PKIG: variants seen among roughly 807,000 people sequenced by gnomAD.
PKIG encodes protein kinase (cAMP-dependent, catalytic) inhibitor gamma.
A neutral mutation model predicts 6.8 loss-of-function variants in PKIG; 1 was observed. The ratio of observed to expected loss-of-function variants is 0.15; its 90% CI spans 0.05 to 0.69. PKIG has a LOEUF of 0.69. Ranked by LOEUF, PKIG falls within the 30% of genes least tolerant of loss-of-function variation. The pLI, the probability that PKIG is intolerant of heterozygous loss-of-function variation, is 0.82. For synonymous variants in PKIG, 39 were observed against 43.0 expected (o/e 0.91, Z 0.36); for missense variants, 77 against 104.0 (o/e 0.74, Z 1.13).
At chr20:44,563,823 A>G (rs2064788170) in intron 1 of PKIG, among the ~76,000 whole-genome samples, 1 of 152,072 alleles carries the variant, frequency 6.6e-6, no homozygotes, top group Non-Finnish European at 1.5e-5. Context: ...GAGCCACTGC[A>G]CCTGGCTGTC....
intron 1 of PKIG, among the ~76,000 whole-genome samples, chr20:44,574,344 T>C (rs966236878): frequency 7.3e-5 from 11 of 150,664 alleles, no homozygotes; most frequent in African/African-American, 2.2e-4. Context: ...TATCGAGATA[T>C]GGTTTTTTTT....
intron 1 of PKIG, among the ~76,000 whole-genome samples, chr20:44,565,090 A>G (rs916037595): frequency 4.6e-5 from 7 of 152,342 alleles, no homozygotes; most frequent in Admixed American, 3.9e-4. Context: ...GCTTATGAAA[A>G]TATTTTAAAG....
At chr20:44,605,007 GA>G (rs74585029) in intron 2 of PKIG, among the ~76,000 whole-genome samples, 1,717 of 148,734 alleles carry the variant, frequency 0.012, 18 homozygotes, top group East Asian at 0.066. Flanking sequence ...AAAACAGCCA[GA>G]AAAAAAAAAT....
intron 1 of PKIG, among the ~76,000 whole-genome samples, chr20:44,539,638 T>C (rs1232075564): frequency 1.3e-5 from 2 of 151,842 alleles, no homozygotes; most frequent in Non-Finnish European, 2.9e-5. Context: ...AGGCTGGTCT[T>C]GAACTTCTGA....
In PKIG at chr20:44,618,421, G is replaced by A. The variant is rs540113224; in HGVS notation, c.*57G>A. On this transcript the variant is annotated 3_prime_UTR_variant, in exon 4 of 4. Coordinates refer to ENST00000372886, the MANE Select transcript of PKIG (RefSeq NM_001281445.2). ...GACCTTCTGTCCCCTCCCAGAGGGG[G>A]AACCCTGGCACTGGCCCAGCAGCCT... The A allele has an allele frequency of 9.3e-6, 11 of 1,188,490 alleles. No homozygotes were observed. Among genetic ancestry groups the A allele is most frequent in the South Asian group, 8.5e-5 (7 of 82,652 alleles). The allele number at this position is 1,188,490 out of a possible 1,614,324, so 73.6% of individuals were successfully genotyped here.
At chr20:44,536,659 A>G (rs953717955) in intron 1 of PKIG, among the ~76,000 whole-genome samples, 1 of 152,124 alleles carries the variant, frequency 6.6e-6, no homozygotes, top group African/African-American at 2.4e-5. Context: ...AGCAGTTTGG[A>G]CTTCTAGAAG....
In PKIG at chr20:44,618,467, C is replaced by T. The variant is rs753652318; in HGVS notation, c.*103C>T. On this transcript the variant is annotated 3_prime_UTR_variant, in exon 4 of 4. Coordinates refer to ENST00000372886, the MANE Select transcript of PKIG (RefSeq NM_001281445.2). ...AGCCTCTTCTCTGAGCTCCATGTCC[C>T]AGATAAACCAGGCCAGACTGAGAAG... The T allele has an allele frequency of 8.4e-5, 69 of 824,582 alleles. 1 individual carries two copies. Among genetic ancestry groups the T allele is most frequent in the Non-Finnish European group, 1.3e-4 (60 of 475,900 alleles). 51.1% of individuals were successfully genotyped at this position (824,582 alleles called of 1,614,324 possible).
At chr20:44,591,257 A>G (rs1429310406) in intron 2 of PKIG, among the ~76,000 whole-genome samples, 3 of 152,102 alleles carry the variant, frequency 2.0e-5, no homozygotes, top group Non-Finnish European at 4.4e-5. Context: ...TGGAAATTCC[A>G]TGGGCCAAAC....
chr20:44,576,718 G>A (rs1176405489), intron 1 of PKIG, among the ~76,000 whole-genome samples: 1 of 152,128 alleles, frequency 6.6e-6, no homozygotes, highest in Non-Finnish European at 1.5e-5. Context: ...GTCCAAGACT[G>A]TTTAAAGTTA....
chr20:44,581,709 C>T (rs1229899603), upstream of PKIG, among the ~76,000 whole-genome samples: 1 of 152,164 alleles, frequency 6.6e-6, no homozygotes, highest in East Asian at 1.9e-4. Context: ...TTTGGTTTTA[C>T]TCCCAGAGAA....
chr20:44,562,319 T>C (rs1277566471), intron 1 of PKIG, among the ~76,000 whole-genome samples: 1 of 151,494 alleles, frequency 6.6e-6, no homozygotes, highest in African/African-American at 2.4e-5. Context: ...ATAACCAAAA[T>C]CAAGAATGAA....
chr20:44,579,958 T>C (rs964759834), upstream of PKIG, among the ~76,000 whole-genome samples: 1 of 152,150 alleles, frequency 6.6e-6, no homozygotes, highest in African/African-American at 2.4e-5. Flanking sequence ...AAACTGAGTG[T>C]TGCTGCTGAG....
intron 2 of PKIG, among the ~76,000 whole-genome samples, chr20:44,611,661 C>T (rs923915250): frequency 4.0e-5 from 6 of 151,772 alleles, no homozygotes; most frequent in East Asian, 1.9e-4. Context: ...GGACTACAGG[C>T]GCCTGCCACC....
At chr20:44,576,352 T>C (rs2064898172) in intron 1 of PKIG, among the ~76,000 whole-genome samples, 1 of 152,026 alleles carries the variant, frequency 6.6e-6, no homozygotes, top group African/African-American at 2.4e-5. Flanking sequence ...CTTATAAATA[T>C]GTTAAGGGTT....
intron 1 of PKIG, among the ~76,000 whole-genome samples, chr20:44,541,903 G>A (rs181724717): frequency 2.0e-5 from 3 of 152,054 alleles, no homozygotes; most frequent in South Asian, 2.1e-4. Context: ...TGGTCAGGCT[G>A]GTCTTGAACT....
At chr20:44,599,285 C>T (rs187291878) in intron 2 of PKIG, among the ~76,000 whole-genome samples, 1 of 152,218 alleles carries the variant, frequency 6.6e-6, no homozygotes, top group African/African-American at 2.4e-5. Context: ...ATAGCACAGG[C>T]TCCATCTGGC....
chr20:44,567,133 G>A (rs1040839137), intron 1 of PKIG, among the ~76,000 whole-genome samples: 1 of 152,176 alleles, frequency 6.6e-6, no homozygotes, highest in African/African-American at 2.4e-5. Flanking sequence ...CTTATAGAGG[G>A]CCAGATAACA....
intron 1 of PKIG, among the ~76,000 whole-genome samples, chr20:44,543,657 G>C (rs1278709639): frequency 1.3e-5 from 2 of 152,088 alleles, no homozygotes; most frequent in East Asian, 3.9e-4. Flanking sequence ...TTTCTTGGTT[G>C]TGCCCTCCCT....
chr20:44,541,067 A>G (rs1289706722), intron 1 of PKIG, among the ~76,000 whole-genome samples: 1 of 152,194 alleles, frequency 6.6e-6, no homozygotes, highest in African/African-American at 2.4e-5. Flanking sequence ...GCTTCTAGGC[A>G]TGGGAATTCA....
Sources: gnomAD v4.1 joint callset for allele counts (sites outside exome capture counted in the v4.1 genomes callset) on GRCh38, gnomAD v4.1.1 for gene constraint, MANE v1.5 for transcripts, NCBI Gene and HGNC (gene_info 2026-07-23, HGNC 2026-07-21) for gene names.